LGALS9B: variants seen among roughly 807,000 people sequenced by gnomAD.
LGALS9B encodes the protein galectin 9B.
In LGALS9B, 8 loss-of-function variants were observed where a neutral mutation model predicts 35.9. That is an observed-to-expected ratio of 0.22 (90% CI 0.13 to 0.40). LGALS9B has a LOEUF of 0.40. Among genes scored for constraint, LGALS9B ranks in the 10% least tolerant of loss-of-function variants. LGALS9B has a pLI of 1.00. For missense variants in LGALS9B, 101 were observed against 397.9 expected (o/e 0.25, Z 6.35); for synonymous variants, 42 against 148.6 (o/e 0.28, Z 5.22).
Position 20,451,615 on chromosome 17 carries a change from G to C in LGALS9B, c.790C>G (p.His264Asp). The C allele has an allele frequency of 3.1e-6, 5 of 1,599,468 alleles. No individual in the cohort carries two copies. The highest frequency in any genetic ancestry group is 4.3e-6 in the Non-Finnish European group (5 of 1,173,302). The change falls in exon 10 of 11, where the codon CAC (histidine) becomes GAC (aspartate). Residue 264 changes from histidine (H) to aspartate (D), a missense_variant. By Grantham distance (81) the His-to-Asp change is moderately conservative. Coordinates refer to ENST00000423676, the MANE Select transcript of LGALS9B (RefSeq NM_001367292.2). ...CGGGGGTTCATGTGGAAGGCGATGT[G>C]GCTCCCAGAGCACAGGTTGATGTGG... ...RFHINLCSGS[H>D]IAFHMNPRFD...
At chr17:20,466,384 C>T (rs556473119) in intron 1 of LGALS9B, among the ~76,000 whole-genome samples, 162 of 151,918 alleles carry the variant, frequency 1.1e-3, no homozygotes, top group African/African-American at 3.5e-3. Context: ...CACCCAAGCC[C>T]GACCCTGGCC....
In LGALS9B at chr17:20,451,915, G is replaced by A. The variant is rs1330209666; in HGVS notation, c.673-32C>T. The A allele has an allele frequency of 6.6e-5, 89 of 1,357,330 alleles. 26 individuals carry two copies. Among genetic ancestry groups the A allele is most frequent in the Non-Finnish European group, 8.8e-5 (85 of 970,506 alleles). The allele number at this position is 1,357,330 out of a possible 1,614,324, so 84.1% of individuals were successfully genotyped here. On this transcript the variant is annotated intron_variant, in intron 8 of 10. Coordinates refer to ENST00000423676, the MANE Select transcript of LGALS9B (RefSeq NM_001367292.2). Reference sequence around the variant, plus strand: ...GAAGGACGGGGACAGGTCAGCCAGTGGCAGCCAGGGCAGCCGCCACATGGA... The same window carrying A: ...GAAGGACGGGGACAGGTCAGCCAGTAGCAGCCAGGGCAGCCGCCACATGGA...
rs575260874 is a variant in LGALS9B at position 20,452,040 on chromosome 17, C to T, written c.673-157G>A. Reference sequence around the variant, plus strand: ...CCATAAAAGCCAAAGGAAAACTTTCCGGTGCTCCTCAAATTAATGGGCTTA... The same window carrying T: ...CCATAAAAGCCAAAGGAAAACTTTCTGGTGCTCCTCAAATTAATGGGCTTA... On this transcript the variant is annotated intron_variant, in intron 8 of 10. Transcript: ENST00000423676. The T allele has an allele frequency of 2.6e-3, 2,730 of 1,038,066 alleles. 36 individuals are homozygous for T. The Middle Eastern group carries it at 0.031, about 12-fold the overall frequency. 64.3% of individuals were successfully genotyped at this position (1,038,066 alleles called of 1,614,324 possible).
chr17:20,467,355 A>G, intron 1 of LGALS9B, 77 bp downstream of exon 1: 5 of 1,301,292 alleles, frequency 3.8e-6, no homozygotes, highest in Non-Finnish European at 5.4e-6. Flanking sequence ...CCTGCCACCC[A>G]GGAGTTGCTT....
At chr17:20,467,356 G>T in intron 1 of LGALS9B, 76 bp downstream of exon 1, 3 of 1,301,060 alleles carry the variant, frequency 2.3e-6, no homozygotes, top group Middle Eastern at 2.7e-4. Flanking sequence ...CTGCCACCCA[G>T]GAGTTGCTTC....
chr17:20,466,876 T>C (rs1440590073), intron 1 of LGALS9B, among the ~76,000 whole-genome samples: 2 of 148,484 alleles, frequency 1.3e-5, no homozygotes, highest in Non-Finnish European at 2.9e-5. Context: ...AGACTCCCAA[T>C]AACATGAAAC....
intron 10 of LGALS9B, among the ~76,000 whole-genome samples, chr17:20,450,499 A>G (rs1293609314): frequency 1.0e-5 from 1 of 95,438 alleles, no homozygotes; most frequent in East Asian, 2.1e-4. Flanking sequence ...TGCCCTTTGC[A>G]ATAGCTGACA....
rs1597493263 is a variant in LGALS9B, at chr17:20,449,428, T to C, written c.*545A>G. On this transcript the variant is annotated 3_prime_UTR_variant, in exon 11 of 11. Transcript: ENST00000423676. ...CCAACAAGCATTTTCATTTCTTTAT[T>C]TTAAGGACACTGGGAAAGGAGCCAG... 6.5e-6 allele frequency: 1 copy of C among 152,758 alleles called. No homozygotes were observed. The highest frequency in any genetic ancestry group is 1.9e-4 in the East Asian group (1 of 5,146). The allele number at this position is 152,758 out of a possible 1,614,324, so 9.5% of individuals were successfully genotyped here. A position where few individuals can be genotyped will look rare whatever the true frequency, so the allele number is the denominator to read the frequency against.
At chr17:20,452,123 A>C in intron 8 of LGALS9B, 1 of 451,114 alleles carries the variant, frequency 2.2e-6, no homozygotes, top group Non-Finnish European at 4.2e-6. Flanking sequence ...CGTGGGGTGA[A>C]AAGGGAGGGC....
At chr17:20,451,436 T>G in intron 10 of LGALS9B, 45 bp downstream of exon 10, 9 of 1,402,484 alleles carry the variant, frequency 6.4e-6, no homozygotes, top group Non-Finnish European at 7.6e-6. Flanking sequence ...CCCCTCCCCG[T>G]GTACCCATAG....
At chr17:20,450,551 TG>T (rs570427101) in intron 10 of LGALS9B, among the ~76,000 whole-genome samples, 32 of 100,862 alleles carry the variant, frequency 3.2e-4, no homozygotes, top group Admixed American at 9.1e-4. Flanking sequence ...GTCCTAAGCG[TG>T]CTACAGATAC....
At chr17:20,463,169 ATTTAT>A (rs1005661731) in intron 1 of LGALS9B, among the ~76,000 whole-genome samples, 3 of 143,348 alleles carry the variant, frequency 2.1e-5, no homozygotes, top group South Asian at 2.3e-4. Flanking sequence ...TTATTTTATT[ATTTAT>A]TTTATTTTAT....
At chr17:20,457,460 C>G (rs1208867102) in intron 3 of LGALS9B, 1 of 130,394 alleles carries the variant, frequency 7.7e-6, no homozygotes, top group African/African-American at 3.1e-5. Flanking sequence ...GTTGTTTCCC[C>G]ACTTGTGTCC....
intron 1 of LGALS9B, among the ~76,000 whole-genome samples, chr17:20,464,252 C>T (rs1323030566): frequency 6.7e-6 from 1 of 150,268 alleles, no homozygotes; most frequent in Non-Finnish European, 1.5e-5. Context: ...GCATGCACCA[C>T]CATGCCTGGC....
intron 2 of LGALS9B, among the ~76,000 whole-genome samples, chr17:20,459,275 GGA>G (rs1263430688): frequency 4.0e-5 from 6 of 148,808 alleles, no homozygotes; most frequent in Admixed American, 6.7e-5. Context: ...GCTCCTGAGA[GGA>G]GAGGGCCCTC....
In LGALS9B at chr17:20,455,494, G is replaced by A; in HGVS notation, c.445-96C>T. 2.8e-6 allele frequency: 3 copies of A among 1,082,690 alleles called. 1 individual carries two copies. Among genetic ancestry groups the A allele is most frequent in the Non-Finnish European group, 2.7e-6 (2 of 750,244 alleles). 67.1% of individuals were successfully genotyped at this position (1,082,690 alleles called of 1,614,324 possible). ...TGCAGGGGCAGGAGGCAGAGAACAG[G>A]CAGGCAGGGGGATGCAGCAAGGGGG... On this transcript the variant is annotated intron_variant, in intron 4 of 10. Transcript: ENST00000423676.
At chr17:20,466,323 T>C (rs2142430094) in intron 1 of LGALS9B, among the ~76,000 whole-genome samples, 1 of 151,752 alleles carries the variant, frequency 6.6e-6, no homozygotes, top group East Asian at 2.0e-4. Flanking sequence ...AGCTGAGCTC[T>C]GCAGACCAGA....
chr17:20,451,638 T>A lies in LGALS9B; in HGVS notation c.767A>T (p.His256Leu), dbSNP rs779842299. 29 of 1,599,850 alleles carry A rather than the reference T, an allele frequency of 1.8e-5. No homozygotes were observed. The highest frequency in any genetic ancestry group is 2.2e-5 in the Non-Finnish European group (26 of 1,173,176). Reference sequence around the variant, plus strand: ...GTGGCTCCCAGAGCACAGGTTGATGTGGAACCTGCGGTGGGCAGCCTACCT... The same window carrying A: ...GTGGCTCCCAGAGCACAGGTTGATGAGGAACCTGCGGTGGGCAGCCTACCT... ...GTVLPSAQRF[H>L]INLCSGSHIA... Residue 256 changes from histidine (H) to leucine (L), a missense_variant, in exon 10 of 11, where the codon CAC becomes CTC. By Grantham distance (99) the His-to-Leu change is moderately conservative. Coordinates refer to ENST00000423676, the MANE Select transcript of LGALS9B (RefSeq NM_001367292.2).
rs558551519 is a variant in LGALS9B at position 20,464,202 on chromosome 17, G to A, written c.39+3230C>T. On this transcript the variant is annotated intron_variant, in intron 1 of 10. Coordinates refer to ENST00000423676, the MANE Select transcript of LGALS9B (RefSeq NM_001367292.2). ...AGCCTCCACTTCCCCAGGCTCACGCGATCCTCCCACCTCAGCCTCCCAGGT... is the reference window on the plus strand; with the variant it reads ...AGCCTCCACTTCCCCAGGCTCACGCAATCCTCCCACCTCAGCCTCCCAGGT... Among the ~76,000 whole-genome samples the A allele has an allele frequency of 8.7e-4, 129 of 147,818 alleles. 4 individuals carry two copies. In the South Asian group the frequency reaches 0.017, roughly 19 times the overall value.
Sources: allele counts gnomAD v4.1 joint callset (sites outside exome capture counted in the v4.1 genomes callset), GRCh38; gene constraint gnomAD v4.1.1; transcripts MANE v1.5; gene names NCBI Gene and HGNC (gene_info 2026-07-23, HGNC 2026-07-21).